The following PTPRQ variants were observed in gnomAD, a reference collection of about 807,000 sequenced individuals.
The protein encoded by PTPRQ is phosphatidylinositol phosphatase PTPRQ.
A neutral mutation model predicts 246.0 loss-of-function variants in PTPRQ; 199 were observed. The observed-to-expected ratio is 0.81, with a 90% CI of 0.72 to 0.91. The LOEUF is 0.91. Ranked by LOEUF, PTPRQ falls within the 40% of genes least tolerant of loss-of-function variation. PTPRQ has a pLI of 0.00. For missense variants in PTPRQ, 2,624 were observed against 2,528.4 expected (o/e 1.04, Z -0.81); for synonymous variants, 869 against 853.2 (o/e 1.02, Z -0.32).
intron 35 of PTPRQ, among the ~76,000 whole-genome samples, chr12:80,636,444 A>G (rs1043145069): frequency 3.3e-5 from 5 of 152,192 alleles, no homozygotes; most frequent in African/African-American, 9.6e-5. Context: ...CATCAAAGAA[A>G]GTTTTTCCTC....
chr12:80,630,053 TG>T (rs1185959519), intron 33 of PTPRQ, among the ~76,000 whole-genome samples: 1 of 152,232 alleles, frequency 6.6e-6, no homozygotes, highest in Non-Finnish European at 1.5e-5. Context: ...ATTATATTGC[TG>T]TGATTAAACT....
chr12:80,659,666 G>A (rs1257649512), intron 39 of PTPRQ, among the ~76,000 whole-genome samples: 1 of 152,034 alleles, frequency 6.6e-6, no homozygotes, highest in Non-Finnish European at 1.5e-5. Context: ...AAATATGGTA[G>A]GTTGTCAGCA....
At chr12:80,560,864 C>T (rs555553578) in intron 25 of PTPRQ, among the ~76,000 whole-genome samples, 2 of 152,102 alleles carry the variant, frequency 1.3e-5, no homozygotes, top group Non-Finnish European at 2.9e-5. Context: ...TAAGGGCTTT[C>T]AAGTTATGTA....
intron 9 of PTPRQ, among the ~76,000 whole-genome samples, chr12:80,490,403 C>G (rs1447894122): frequency 6.6e-6 from 1 of 151,896 alleles, no homozygotes; most frequent in Non-Finnish European, 1.5e-5. Flanking sequence ...CATGTAAAAT[C>G]AAGTTGGTTT....
chr12:80,609,552 A>T (rs1898468931), intron 27 of PTPRQ, among the ~76,000 whole-genome samples: 1 of 150,584 alleles, frequency 6.6e-6, no homozygotes, highest in African/African-American at 2.4e-5. Flanking sequence ...GTTATGTTTA[A>T]TATCTGGAGT....
chr12:80,477,712 C>T (rs997985070), intron 8 of PTPRQ, among the ~76,000 whole-genome samples: 10 of 152,118 alleles, frequency 6.6e-5, no homozygotes, highest in Admixed American at 3.3e-4. Flanking sequence ...TTGCCTCACT[C>T]GGGAAGCGCA....
At chr12:80,627,345 TATAATAATA>T (rs10646490) in intron 33 of PTPRQ, among the ~76,000 whole-genome samples, 26,458 of 143,210 alleles carry the variant, frequency 0.18, 2,791 homozygotes, top group Non-Finnish European at 0.24. Context: ...ACTCAATTTT[TATAATAATA>T]ATAATAATAA....
At chr12:80,527,872 T>A (rs1895734762) in intron 17 of PTPRQ, among the ~76,000 whole-genome samples, 1 of 152,130 alleles carries the variant, frequency 6.6e-6, no homozygotes, top group African/African-American at 2.4e-5. Flanking sequence ...GGTGGGCAGA[T>A]GGCTTGAACC....
chr12:80,610,439 G>A lies in PTPRQ; in HGVS notation c.4732G>A (p.Val1578Ile), dbSNP rs182110866. 6 of 1,478,390 alleles carry A rather than the reference G, an allele frequency of 4.1e-6. No individual in the cohort carries two copies. The East Asian group carries it at 1.5e-4, about 38-fold the overall frequency. The allele number at this position is 1,478,390 out of a possible 1,614,324, so 91.6% of individuals were successfully genotyped here. The stretch of plus-strand genomic sequence containing the variant: ...AATTTTTACTTATATTTTCCTATAG[G>A]TAGATAATGATGAATTTAATATATC... ...PTCYLIDVKSVDNDEFNISFI... is the reference protein window; with the variant it reads ...PTCYLIDVKSIDNDEFNISFI... Residue 1578 changes from valine to isoleucine, a missense_variant and splice_region_variant, in exon 28 of 45, where the codon GTA (valine) becomes ATA (isoleucine). By Grantham distance (29) the Val-to-Ile change is conservative. Coordinates refer to ENST00000644991, the MANE Select transcript of PTPRQ (RefSeq NM_001145026.2).
chr12:80,602,703 T>C (rs938754935), intron 26 of PTPRQ, among the ~76,000 whole-genome samples: 1 of 151,798 alleles, frequency 6.6e-6, no homozygotes, highest in African/African-American at 2.4e-5. Flanking sequence ...ACATTGGCCA[T>C]TGTATTTCAA....
At chr12:80,505,113 G>T (rs1183805364) in intron 14 of PTPRQ, among the ~76,000 whole-genome samples, 8 of 151,764 alleles carry the variant, frequency 5.3e-5, no homozygotes, top group African/African-American at 1.9e-4. Context: ...GGGCCCCAGG[G>T]TTTTATAGTC....
At chr12:80,644,510 A>G (rs1900000068) in intron 35 of PTPRQ, among the ~76,000 whole-genome samples, 1 of 152,034 alleles carries the variant, frequency 6.6e-6, no homozygotes, top group East Asian at 1.9e-4. Flanking sequence ...AAAGTTTTCT[A>G]TTTGAGTATG....
At chr12:80,637,311 T>C (rs907564560) in intron 35 of PTPRQ, among the ~76,000 whole-genome samples, 8 of 152,142 alleles carry the variant, frequency 5.3e-5, no homozygotes, top group African/African-American at 1.9e-4. Flanking sequence ...TAATTCAGGG[T>C]CTACTTTATT....
intron 6 of PTPRQ, among the ~76,000 whole-genome samples, chr12:80,467,660 T>C (rs1409482783): frequency 1.3e-5 from 2 of 151,926 alleles, no homozygotes; most frequent in Admixed American, 6.6e-5. Flanking sequence ...ATATACACCA[T>C]GGAATACTAT....
intron 33 of PTPRQ, among the ~76,000 whole-genome samples, 162 bp downstream of exon 33, chr12:80,622,296 C>A (rs1899024993): frequency 6.6e-6 from 1 of 151,876 alleles, no homozygotes; most frequent in African/African-American, 2.4e-5. Context: ...AAAATTTTTT[C>A]TTTTAGGTTT....
intron 25 of PTPRQ, among the ~76,000 whole-genome samples, chr12:80,561,905 G>A (rs1469595390): frequency 6.6e-6 from 1 of 152,106 alleles, no homozygotes; most frequent in South Asian, 2.1e-4. Context: ...TGTTTGTGAT[G>A]TTAGCTGTAG....
intron 8 of PTPRQ, among the ~76,000 whole-genome samples, chr12:80,479,021 G>A (rs1893930393): frequency 6.6e-6 from 1 of 151,786 alleles, no homozygotes; most frequent in Admixed American, 6.6e-5. Flanking sequence ...AGGAAATACA[G>A]AGAACACCAC....
intron 3 of PTPRQ, among the ~76,000 whole-genome samples, chr12:80,448,246 A>G (rs10047551): frequency 0.11 from 16,108 of 152,064 alleles, 1,214 homozygotes; most frequent in African/African-American, 0.21. Flanking sequence ...TTTGTATCCC[A>G]AAACTTTATT....
At chr12:80,660,280 G>A (rs1278790514) in intron 39 of PTPRQ, among the ~76,000 whole-genome samples, 1 of 152,024 alleles carries the variant, frequency 6.6e-6, no homozygotes. Flanking sequence ...AGGAGGACCA[G>A]CATATGGTCT....
Sources: gnomAD v4.1 joint callset for allele counts (sites outside exome capture counted in the v4.1 genomes callset) on GRCh38, gnomAD v4.1.1 for gene constraint, MANE v1.5 for transcripts, NCBI Gene and HGNC (gene_info 2026-07-23, HGNC 2026-07-21) for gene names.